The following PRCC variants were observed in gnomAD, a reference collection of about 807,000 sequenced individuals.
PRCC encodes proline rich mitotic checkpoint control factor, also known as proline-rich protein PRCC.
Under a neutral mutation model 44.0 loss-of-function variants are expected in PRCC, and 10 were observed. The ratio of observed to expected loss-of-function variants is 0.23; its 90% confidence interval spans 0.14 to 0.39. The LOEUF is 0.39. Among genes scored for constraint, PRCC ranks in the 10% least tolerant of loss-of-function variants. The probability of loss-of-function intolerance (pLI) is 1.00; values close to 1 mark genes in which losing one functional copy is unlikely to be tolerated. For missense variants in PRCC, 573 were observed against 624.7 expected (o/e 0.92, Z 0.88); for synonymous variants, 278 against 259.5 (o/e 1.07, Z -0.69).
intron 2 of PRCC, among the ~76,000 whole-genome samples, chr1:156,784,508 T>C (rs12043405): frequency 0.2 from 29,750 of 152,168 alleles, 3,429 homozygotes; most frequent in Non-Finnish European, 0.26. Flanking sequence ...ACCCCAGATA[T>C]GTGACAAGTC....
chr1:156,784,531 G>A (rs968651820), intron 2 of PRCC, among the ~76,000 whole-genome samples: 2 of 152,198 alleles, frequency 1.3e-5, no homozygotes, highest in Admixed American at 6.5e-5. Flanking sequence ...ACACTTCAAG[G>A]TAGCCTGAGG....
At chr1:156,791,206 A>T in intron 3 of PRCC, 1 of 1,288,558 alleles carries the variant, frequency 7.8e-7, no homozygotes, top group Non-Finnish European at 1.1e-6. Flanking sequence ...TAAATCAGAG[A>T]TCTATAACCT....
At chr1:156,800,322 C>T (rs530418900) in intron 6 of PRCC, 52 bp from the exon 7 acceptor site, 18 of 1,550,434 alleles carry the variant, frequency 1.2e-5, no homozygotes, top group Admixed American at 1.7e-5. Context: ...AAGAGGACAG[C>T]GTTTCTCAGA....
intron 1 of PRCC, among the ~76,000 whole-genome samples, chr1:156,777,267 G>A (rs554255171): frequency 6.6e-6 from 1 of 152,132 alleles, no homozygotes; most frequent in Non-Finnish European, 1.5e-5. Context: ...TGGTGTTCCC[G>A]CAAAAGCACG....
rs1044319 is a variant in PRCC at position 156,800,544 on chromosome 1, C to T, written c.*84C>T. 1.4e-6 allele frequency: 2 copies of T among 1,388,104 alleles called. No individual in the cohort carries two copies. The highest frequency in any genetic ancestry group is 1.7e-5 in the Admixed American group (1 of 57,904). 86.0% of individuals were successfully genotyped at this position (1,388,104 alleles called of 1,614,324 possible). On this transcript the variant is annotated 3_prime_UTR_variant, in exon 7 of 7. Transcript: ENST00000271526. ...CTTCACCTCTGGGACCCCAGCTGCTCTAAGCCCAGGATCTCTTTCCCCAAG... is the reference window on the plus strand; with the variant it reads ...CTTCACCTCTGGGACCCCAGCTGCTTTAAGCCCAGGATCTCTTTCCCCAAG...
chr1:156,798,554 C>CT (rs1344697982), intron 6 of PRCC, among the ~76,000 whole-genome samples: 2 of 152,068 alleles, frequency 1.3e-5, no homozygotes, highest in Non-Finnish European at 2.9e-5. Context: ...TCGTATGGGT[C>CT]TTATGGTGTT....
intron 4 of PRCC, among the ~76,000 whole-genome samples, chr1:156,792,888 A>G (rs1474380839): frequency 6.6e-6 from 1 of 152,220 alleles, no homozygotes; most frequent in African/African-American, 2.4e-5. Flanking sequence ...CCAAGCAGCT[A>G]TGTTAAATAC....
chr1:156,798,546 G>A (rs1025578514), intron 6 of PRCC, among the ~76,000 whole-genome samples: 9 of 152,118 alleles, frequency 5.9e-5, no homozygotes, highest in African/African-American at 1.7e-4. Flanking sequence ...GCAGCACTTC[G>A]TATGGGTCTT....
intron 1 of PRCC, among the ~76,000 whole-genome samples, chr1:156,768,740 C>G (rs945422767): frequency 2.6e-5 from 4 of 152,108 alleles, no homozygotes; most frequent in Admixed American, 2.0e-4. Context: ...GAGGAGAAAT[C>G]GAATATTTGT....
At chr1:156,777,361 A>T (rs1558047355) in intron 1 of PRCC, among the ~76,000 whole-genome samples, 1 of 152,222 alleles carries the variant, frequency 6.6e-6, no homozygotes, top group African/African-American at 2.4e-5. Context: ...TAAAGTTGAG[A>T]TAATAATAAT....
chr1:156,795,249 C>CTCCTTCCT (rs1266257595), intron 5 of PRCC, among the ~76,000 whole-genome samples: 10 of 109,962 alleles, frequency 9.1e-5, no homozygotes, highest in Middle Eastern at 0.011. Flanking sequence ...TCCTCCTTTC[C>CTCCTTCCT]TCCTTCCTTC....
At chr1:156,790,235 A>C (rs1388332227) in intron 3 of PRCC, among the ~76,000 whole-genome samples, 3 of 152,400 alleles carry the variant, frequency 2.0e-5, no homozygotes, top group Non-Finnish European at 4.4e-5. Flanking sequence ...TTTGAAAACA[A>C]TTTTGTTTGC....
At chr1:156,783,054 G>A (rs916250573) in intron 2 of PRCC, among the ~76,000 whole-genome samples, 5 of 152,136 alleles carry the variant, frequency 3.3e-5, no homozygotes, top group African/African-American at 4.8e-5. Context: ...ACAGGCATGC[G>A]CCACCACACC....
In PRCC at chr1:156,800,577, C is replaced by T; in HGVS notation, c.*117C>T. 1 of 991,166 alleles carries T rather than the reference C, an allele frequency of 1.0e-6. No individual in the cohort carries two copies. The highest frequency in any genetic ancestry group is 1.4e-5 in the South Asian group (1 of 72,796). The allele number at this position is 991,166 out of a possible 1,614,324, so 61.4% of individuals were successfully genotyped here. On this transcript the variant is annotated 3_prime_UTR_variant, in exon 7 of 7. Coordinates refer to ENST00000271526, the MANE Select transcript of PRCC (RefSeq NM_005973.5). ...AGGATCTCTTTCCCCAAGGACCCAG[C>T]CCTCGCCTCTGCGAGAATGAACATA...
chr1:156,773,177 C>T (rs991771725), intron 1 of PRCC, among the ~76,000 whole-genome samples: 3 of 152,006 alleles, frequency 2.0e-5, no homozygotes, highest in Non-Finnish European at 4.4e-5. Context: ...GCTTAGGGGG[C>T]GTCTGTTCTT....
At chr1:156,780,015 C>G (rs187981423) in intron 1 of PRCC, among the ~76,000 whole-genome samples, 1 of 151,990 alleles carries the variant, frequency 6.6e-6, no homozygotes, top group Non-Finnish European at 1.5e-5. Context: ...CTCAGCCTCC[C>G]GAGAAGTGCG....
intron 1 of PRCC, among the ~76,000 whole-genome samples, chr1:156,776,353 CAG>C (rs1178472649): frequency 6.6e-6 from 1 of 152,110 alleles, no homozygotes; most frequent in African/African-American, 2.4e-5. Flanking sequence ...CTGGGCACAA[CAG>C]AGCAAGACCA....
At position 156,768,065 on chromosome 1, in the gene PRCC, G is replaced by A. The variant is rs775995693; in HGVS notation, c.294G>A (p.Pro98=). 1.0e-5 allele frequency: 16 copies of A among 1,591,694 alleles called. No individual in the cohort carries two copies. In the Admixed American group the frequency reaches 2.8e-4, roughly 28 times the overall value. Residue 98 remains proline, a synonymous_variant, in exon 1 of 7, where the codon CCG becomes CCA. Transcript: ENST00000271526. ...GGFPPPPGVS[P]AEAAGVGEGL... ...TCCCCCCACCTCCAGGCGTGAGCCCGGCTGAAGCGGCGGGAGTTGGGGAGG... is the reference window on the plus strand; with the variant it reads ...TCCCCCCACCTCCAGGCGTGAGCCCAGCTGAAGCGGCGGGAGTTGGGGAGG...
At chr1:156,779,635 C>G (rs59671540) in intron 1 of PRCC, among the ~76,000 whole-genome samples, 1 of 152,146 alleles carries the variant, frequency 6.6e-6, no homozygotes, top group Non-Finnish European at 1.5e-5. Context: ...TCCCAAAGTG[C>G]TGGAATGACA....
Sources: gnomAD v4.1 joint callset for allele counts (sites outside exome capture counted in the v4.1 genomes callset) on GRCh38, gnomAD v4.1.1 for gene constraint, MANE v1.5 for transcripts, NCBI Gene and HGNC (gene_info 2026-07-23, HGNC 2026-07-21) for gene names.